RIOK3: variants seen among roughly 807,000 people sequenced by gnomAD.
The protein encoded by RIOK3 is serine/threonine-protein kinase RIO3.
Under a neutral mutation model 63.5 loss-of-function variants are expected in RIOK3, and 40 were observed. The ratio of observed to expected loss-of-function variants is 0.63; its 90% confidence interval spans 0.49 to 0.82. The LOEUF is 0.82. Among genes scored for constraint, RIOK3 ranks in the 40% least tolerant of loss-of-function variants. The pLI, the probability that RIOK3 is intolerant of heterozygous loss-of-function variation, is 0.00. For synonymous variants in RIOK3, 193 were observed against 205.0 expected (o/e 0.94, Z 0.50); for missense variants, 557 against 637.0 (o/e 0.87, Z 1.35).
intron 7 of RIOK3, among the ~76,000 whole-genome samples, chr18:23,472,058 C>T (rs2057459716): frequency 6.6e-6 from 1 of 151,990 alleles, no homozygotes; most frequent in Non-Finnish European, 1.5e-5. Flanking sequence ...CATGGTGAAA[C>T]CCCGTCTCTA....
At position 23,463,062 on chromosome 18, in the gene RIOK3, C is replaced by T. The variant is rs1045635112; in HGVS notation, c.162C>T (p.Ala54=). 2.6e-5 allele frequency: 41 copies of T among 1,605,966 alleles called. No individual in the cohort carries two copies. Among genetic ancestry groups the T allele is most frequent in the African/African-American group, 4.0e-5 (3 of 74,514 alleles). ...AATTGCAGTTAGAAGAAGAAGCTGC[C>T]GTTTTTCCTGAAGTTGCGTAAGTAA... ...AKELQLEEEA[A]VFPEVAVAEG... is the part of the protein sequence containing the mutation. The change falls in exon 2 of 13, where the codon GCC becomes GCT. Residue 54 remains alanine, a synonymous_variant. Transcript: ENST00000339486.
chr18:23,470,192 G>A lies in RIOK3; in HGVS notation c.815+2666G>A, dbSNP rs561523913. On this transcript the variant is annotated intron_variant, in intron 7 of 12. Transcript: ENST00000339486. ...ATCCTGGTTAACACGGTGAAACTCC[G>A]TCTCTACTAAAAAATACAAAAAAGT... Among the ~76,000 whole-genome samples, 18 of 152,108 alleles carry A rather than the reference G, an allele frequency of 1.2e-4. No homozygotes were observed. The South Asian group carries it at 2.3e-3, about 19-fold the overall frequency.
intron 1 of RIOK3, among the ~76,000 whole-genome samples, chr18:23,461,707 C>T (rs2057372826): frequency 6.6e-6 from 1 of 151,896 alleles, no homozygotes; most frequent in Admixed American, 6.6e-5. Flanking sequence ...GAGTATGTCA[C>T]TGAGGAAGGT....
chr18:23,464,699 A>G (rs938363053), intron 5 of RIOK3, 71 bp downstream of exon 5: 6 of 813,528 alleles, frequency 7.4e-6, no homozygotes, highest in Non-Finnish European at 1.1e-5. Context: ...CAGGATTCTA[A>G]ATATAATACC....
intron 11 of RIOK3, 128 bp from the exon 12 acceptor site, chr18:23,479,189 G>A (rs2145705586): frequency 3.3e-6 from 2 of 606,342 alleles, no homozygotes; most frequent in Non-Finnish European, 3.0e-6. Context: ...ATTACTGTGT[G>A]TGTGTGTGTG....
intron 5 of RIOK3, among the ~76,000 whole-genome samples, chr18:23,465,477 CAT>C (rs1158084195): frequency 6.6e-6 from 1 of 151,996 alleles, no homozygotes; most frequent in Non-Finnish European, 1.5e-5. Flanking sequence ...GTTAAGTAAA[CAT>C]ATTCAATTAT....
In RIOK3 at chr18:23,463,917, C is replaced by T. The variant is rs2057388119; in HGVS notation, c.180-50C>T. ...CTCCTACTCTCATAATTGGCAACCT[C>T]TGTTTACTTAAGCACATTACATTAG... On this transcript the variant is annotated intron_variant, in intron 2 of 12. Coordinates refer to ENST00000339486, the MANE Select transcript of RIOK3 (RefSeq NM_003831.5). 4.0e-6 allele frequency: 6 copies of T among 1,507,296 alleles called. No homozygotes were observed. In the South Asian group the frequency reaches 6.4e-5, roughly 16 times the overall value. The allele number at this position is 1,507,296 out of a possible 1,614,324, so 93.4% of individuals were successfully genotyped here.
intron 9 of RIOK3, 61 bp downstream of exon 9, chr18:23,475,168 T>TA (rs1300151824): frequency 7.0e-5 from 100 of 1,434,722 alleles, no homozygotes; most frequent in Non-Finnish European, 9.3e-5. Context: ...CTCTAAACTT[T>TA]AAAAAAATTT....
rs573849462 is a variant in RIOK3 at position 23,475,477 on chromosome 18, A to T, written c.1173+370A>T. On this transcript the variant is annotated intron_variant, in intron 9 of 12. Coordinates refer to ENST00000339486, the MANE Select transcript of RIOK3 (RefSeq NM_003831.5). ...GACTCTGTCTCAAAAAAAAAAAAAA[A>T]AAATTAAAAATTAGCTGGGCACACA... Among the ~76,000 whole-genome samples the T allele has an allele frequency of 5.1e-3, 778 of 151,372 alleles. 13 individuals are homozygous for T. Among genetic ancestry groups the T allele is most frequent in the African/African-American group, 0.018 (733 of 41,150 alleles).
intron 5 of RIOK3, among the ~76,000 whole-genome samples, chr18:23,465,545 T>A (rs1433913786): frequency 6.6e-6 from 1 of 152,210 alleles, no homozygotes; most frequent in Non-Finnish European, 1.5e-5. Flanking sequence ...CCAATAGAAC[T>A]TTCTGTGGTA....
At chr18:23,479,274 A>G in intron 11 of RIOK3, 43 bp from the exon 12 acceptor site, 3 of 1,269,820 alleles carry the variant, frequency 2.4e-6, no homozygotes, top group Non-Finnish European at 3.5e-6. Flanking sequence ...ATAAGAGAAC[A>G]TTGCTAATAC....
chr18:23,455,886 C>G (rs1422938632), intron 1 of RIOK3, among the ~76,000 whole-genome samples: 2 of 152,182 alleles, frequency 1.3e-5, no homozygotes, highest in African/African-American at 4.8e-5. Flanking sequence ...CAACCTCCGC[C>G]TCCTGGGTTC....
chr18:23,459,541 A>G (rs562705896), intron 1 of RIOK3, among the ~76,000 whole-genome samples: 7 of 152,372 alleles, frequency 4.6e-5, no homozygotes, highest in African/African-American at 1.7e-4. Flanking sequence ...CACAAAGGAA[A>G]GGGTCCAACT....
chr18:23,479,983 C>T (rs2057520596), intron 12 of RIOK3, among the ~76,000 whole-genome samples: 1 of 152,178 alleles, frequency 6.6e-6, no homozygotes, highest in Non-Finnish European at 1.5e-5. Context: ...CAGTAGACTC[C>T]TATTTCCCCT....
chr18:23,463,204 A>G, intron 2 of RIOK3, 125 bp downstream of exon 2: 1 of 561,798 alleles, frequency 1.8e-6, no homozygotes, highest in South Asian at 2.5e-5. Flanking sequence ...TTGAGAGTCC[A>G]GTGATACTTG....
intron 1 of RIOK3, among the ~76,000 whole-genome samples, chr18:23,462,524 A>C (rs2057378909): frequency 6.6e-6 from 1 of 152,264 alleles, no homozygotes; most frequent in African/African-American, 2.4e-5. Flanking sequence ...TCAATGCTTA[A>C]ATTAGAATGA....
At chr18:23,475,954 T>G (rs1204530413) in intron 9 of RIOK3, among the ~76,000 whole-genome samples, 1 of 149,090 alleles carries the variant, frequency 6.7e-6, no homozygotes, top group African/African-American at 2.5e-5. Flanking sequence ...TTTTTTTTTT[T>G]TTTTTTTTTC....
rs545044204 is a variant in RIOK3 at position 23,467,630 on chromosome 18, G to T, written c.815+104G>T. 4 of 1,152,132 alleles carry T rather than the reference G, an allele frequency of 3.5e-6. No homozygotes were observed. In the East Asian group the frequency reaches 9.9e-5, roughly 29 times the overall value. 71.4% of individuals were successfully genotyped at this position (1,152,132 alleles called of 1,614,324 possible). A position where few individuals can be genotyped will look rare whatever the true frequency, so the allele number is the denominator to read the frequency against. On this transcript the variant is annotated intron_variant, in intron 7 of 12. Coordinates refer to ENST00000339486, the MANE Select transcript of RIOK3 (RefSeq NM_003831.5). ...AAGATAATGCTGCATGGCAAGCAGAGTAATTTTTAAAGTGTTATTGTAGAA... is the reference window on the plus strand; with the variant it reads ...AAGATAATGCTGCATGGCAAGCAGATTAATTTTTAAAGTGTTATTGTAGAA...
chr18:23,468,872 G>A (rs879477656), intron 7 of RIOK3, among the ~76,000 whole-genome samples: 2 of 152,132 alleles, frequency 1.3e-5, no homozygotes, highest in Admixed American at 6.6e-5. Flanking sequence ...TCTGTTCAGG[G>A]TTTCACAAGC....
Sources: allele counts gnomAD v4.1 joint callset (sites outside exome capture counted in the v4.1 genomes callset), GRCh38; gene constraint gnomAD v4.1.1; transcripts MANE v1.5; gene names NCBI Gene and HGNC (gene_info 2026-07-23, HGNC 2026-07-21).